The following SPRING1 variants were observed in gnomAD, a reference collection of about 807,000 sequenced individuals.
SPRING1 encodes the protein SREBF pathway regulator in golgi 1.
A neutral mutation model predicts 24.7 loss-of-function variants in SPRING1; 14 were observed. The observed-to-expected ratio is 0.57, with a 90% CI of 0.37 to 0.88. The LOEUF is 0.88. Among genes scored for constraint, SPRING1 ranks in the 40% least tolerant of loss-of-function variants. The pLI is 0.00. For missense variants in SPRING1, 255 were observed against 268.4 expected, an observed-to-expected ratio of 0.95 and a Z score of 0.35; for synonymous variants, 93 against 106.1, an observed-to-expected ratio of 0.88 and a Z score of 0.76.
intron 1 of SPRING1, among the ~76,000 whole-genome samples, chr12:116,730,525 G>A (rs7968094): frequency 0.077 from 11,709 of 152,168 alleles, 487 homozygotes; most frequent in African/African-American, 0.096. Flanking sequence ...ACAAACAAGC[G>A]TTACATACTT....
In SPRING1 at chr12:116,717,856, G is replaced by C; in HGVS notation, c.572C>G (p.Ala191Gly). 1.2e-6 allele frequency: 2 copies of C among 1,608,784 alleles called. No individual in the cohort carries two copies. The highest frequency in any genetic ancestry group is 2.2e-5 in the South Asian group (2 of 90,308). Residue 191 changes from alanine (A) to glycine (G), a missense_variant, in exon 5 of 5, where the codon GCA (alanine) becomes GGA (glycine). Ala to Gly is a moderately conservative substitution (Grantham distance 60). Transcript: ENST00000261318. This position sits in a 1 kb window ranked among gnomAD's most constrained non-coding sequence, Gnocchi z 4.2. ...CGGGCTTTCTCCATAGCAATACTTT[G>C]CTATGGGGTCCCGGTAGGTGTTCTC... ...QHENTYRDPI[A>G]KYCYGESPPE...
chr12:116,725,464 G>T (rs1870636864), intron 1 of SPRING1, among the ~76,000 whole-genome samples: 1 of 152,076 alleles, frequency 6.6e-6, no homozygotes, highest in Non-Finnish European at 1.5e-5. Context: ...GACGTATGTG[G>T]TTATTAAAAT....
At position 116,712,027 on chromosome 12, in the gene SPRING1, C is replaced by T. The variant is rs932593086; in HGVS notation, c.*5783G>A. On this transcript the variant is annotated 3_prime_UTR_variant, in exon 5 of 5. Transcript: ENST00000261318. ...TTTAAAAATTCCAAGAGTAAACTAC[C>T]CTATGAAAACCTCTGGCAGTGCTGA... 3 of 152,102 alleles carry T rather than the reference C, an allele frequency of 2.0e-5. No homozygotes were observed. Among genetic ancestry groups the T allele is most frequent in the African/African-American group, 7.2e-5 (3 of 41,406 alleles). The allele number at this position is 152,102 out of a possible 1,614,324, so 9.4% of individuals were successfully genotyped here. A position where few individuals can be genotyped will look rare whatever the true frequency, so the allele number is the denominator to read the frequency against.
chr12:116,737,679 A>G, intron 1 of SPRING1, 111 bp downstream of exon 1: 2 of 1,239,072 alleles, frequency 1.6e-6, no homozygotes, highest in Non-Finnish European at 1.1e-6. Context: ...GTAGGAAGAC[A>G]GGGAGGAAGG....
intron 1 of SPRING1, among the ~76,000 whole-genome samples, chr12:116,736,100 T>TA (rs1309227521): frequency 1.5e-3 from 46 of 29,914 alleles, no homozygotes; most frequent in African/African-American, 2.9e-3. Flanking sequence ...TTTACCACAA[T>TA]AAAAAAAAAT....
Position 116,717,737 on chromosome 12 carries a change from G to T in SPRING1, c.*73C>A. ...CTTCCTGCAGCCTGGCCCGATGGCT[G>T]AAGCTGGGTCCCAGGAGGCGAGTTC... is the stretch of plus-strand genomic sequence containing the variant. On this transcript the variant is annotated 3_prime_UTR_variant, in exon 5 of 5. Coordinates refer to ENST00000261318, the MANE Select transcript of SPRING1 (RefSeq NM_024738.4). The surrounding 1 kb of genome is among the most constrained non-coding windows in gnomAD (Gnocchi z 4.2). 2.2e-6 allele frequency: 3 copies of T among 1,346,878 alleles called. No homozygotes were observed. The highest frequency in any genetic ancestry group is 3.1e-6 in the Non-Finnish European group (3 of 983,522). 83.4% of individuals were successfully genotyped at this position (1,346,878 alleles called of 1,614,324 possible).
intron 1 of SPRING1, among the ~76,000 whole-genome samples, chr12:116,727,260 T>C (rs1870745077): frequency 2.0e-5 from 3 of 152,174 alleles, no homozygotes; most frequent in Admixed American, 1.3e-4. Flanking sequence ...CTCAGAGCTG[T>C]TGAGAAAGGG....
At chr12:116,736,110 T>A (rs202044956) in intron 1 of SPRING1, among the ~76,000 whole-genome samples, 4 of 54,960 alleles carry the variant, frequency 7.3e-5, no homozygotes, top group Non-Finnish European at 1.7e-4. Context: ...TAAAAAAAAA[T>A]TGAAAAAAAA....
intron 1 of SPRING1, 100 bp downstream of exon 1, chr12:116,737,689 GA>G: frequency 1.5e-6 from 2 of 1,299,516 alleles, no homozygotes; most frequent in Non-Finnish European, 2.0e-6. Context: ...AGGGAGGAAG[GA>G]AAAAAGGAGG....
At chr12:116,722,864 A>C (rs1407068302) in intron 2 of SPRING1, among the ~76,000 whole-genome samples, 1 of 152,242 alleles carries the variant, frequency 6.6e-6, no homozygotes, top group African/African-American at 2.4e-5. Flanking sequence ...TAAGAGTTAG[A>C]GTTATCAAAA....
At chr12:116,736,044 A>T (rs1172330523) in intron 1 of SPRING1, among the ~76,000 whole-genome samples, 1 of 131,676 alleles carries the variant, frequency 7.6e-6, no homozygotes, top group Non-Finnish European at 1.6e-5. Flanking sequence ...GTCTTTAAAA[A>T]AAAAAAAAAA....
At chr12:116,718,877 C>T (rs1870278659) in intron 4 of SPRING1, among the ~76,000 whole-genome samples, 1 of 152,186 alleles carries the variant, frequency 6.6e-6, no homozygotes, top group Non-Finnish European at 1.5e-5. Context: ...TTTTCAAATG[C>T]TCATTATAAT....
rs1871376861 is a variant in SPRING1 at position 116,738,023 on chromosome 12, CGCAGCCCAG to C, written c.-132_-124del. The C allele has an allele frequency of 9.0e-7, 1 of 1,107,006 alleles. No homozygotes were observed. Among genetic ancestry groups the C allele is most frequent in the Admixed American group, 5.1e-5 (1 of 19,654 alleles). 68.6% of individuals were successfully genotyped at this position (1,107,006 alleles called of 1,614,324 possible). On this transcript the variant is annotated 5_prime_UTR_variant, in exon 1 of 5. Coordinates refer to ENST00000261318, the MANE Select transcript of SPRING1 (RefSeq NM_024738.4). ...CCAGGCAGGCGCCGGCCCCGCCGCC[CGCAGCCCAG>C]TCTGCTCCCGGCAGCCTTGGGCGCA...
rs999823777 is a variant in SPRING1 at position 116,714,639 on chromosome 12, C to T, written c.*3171G>A. On this transcript the variant is annotated 3_prime_UTR_variant, in exon 5 of 5. Transcript: ENST00000261318. Reference sequence around the variant, plus strand: ...TGAAACCCCGTCTCTACTAAAAGTACAAAAACTTAGCTGGGTGTGGTGGTG... The same window carrying T: ...TGAAACCCCGTCTCTACTAAAAGTATAAAAACTTAGCTGGGTGTGGTGGTG... 20 of 152,212 alleles carry T rather than the reference C, an allele frequency of 1.3e-4. No homozygotes were observed. Among genetic ancestry groups the T allele is most frequent in the African/African-American group, 4.8e-4 (20 of 41,492 alleles). The allele number at this position is 152,212 out of a possible 1,614,324, so 9.4% of individuals were successfully genotyped here. A position where few individuals can be genotyped will look rare whatever the true frequency, so the allele number is the denominator to read the frequency against.
intron 1 of SPRING1, among the ~76,000 whole-genome samples, chr12:116,732,342 G>A (rs149870632): frequency 0.054 from 8,201 of 152,262 alleles, 722 homozygotes; most frequent in African/African-American, 0.19. Context: ...TTGGGAGGCC[G>A]AGGCGGGTGG....
At position 116,728,307 on chromosome 12, in the gene SPRING1, A is replaced by G. The variant is rs1870800300; in HGVS notation, c.112-5084T>C. ...TCTCTCCTCCTTACCCGCTAGTGGA[A>G]TATAGGCTCTTGGAGGGGAGAGACG... is the stretch of plus-strand genomic sequence containing the variant. On this transcript the variant is annotated intron_variant, in intron 1 of 4. Coordinates refer to ENST00000261318, the MANE Select transcript of SPRING1 (RefSeq NM_024738.4). The surrounding 1 kb of genome is among the most constrained non-coding windows in gnomAD (Gnocchi z 4.2). 6.6e-6 allele frequency among the ~76,000 whole-genome samples: 1 copy of G among 152,190 alleles called. No homozygotes were observed. The highest frequency in any genetic ancestry group is 2.1e-4 in the South Asian group (1 of 4,834).
chr12:116,737,799 G>A lies in SPRING1; in HGVS notation c.102C>T (p.Thr34=). The change falls in exon 1 of 5, where the codon ACC becomes ACT. Residue 34 remains threonine, a synonymous_variant. Coordinates refer to ENST00000261318, the MANE Select transcript of SPRING1 (RefSeq NM_024738.4). ...AAGGGCGGCCACTGACCTGCTTGAA[G>A]GTGCTGCTGAGGAAGTAGACGAGCG... ...GLSLVYFLSS[T]FKQEERAVRD... is the part of the protein sequence containing the mutation. 1.3e-6 allele frequency: 2 copies of A among 1,586,866 alleles called. No homozygotes were observed. Among genetic ancestry groups the A allele is most frequent in the East Asian group, 2.5e-5 (1 of 40,334 alleles).
intron 2 of SPRING1, among the ~76,000 whole-genome samples, 159 bp downstream of exon 2, chr12:116,722,908 G>GAA (rs1053918276): frequency 2.0e-4 from 30 of 152,264 alleles, no homozygotes; most frequent in African/African-American, 7.0e-4. Context: ...AACCTTGAAT[G>GAA]ATGAGTAGGG....
In SPRING1 at chr12:116,728,309, A is replaced by T. The variant is rs1870800623; in HGVS notation, c.112-5086T>A. On this transcript the variant is annotated intron_variant, in intron 1 of 4. Transcript: ENST00000261318. The surrounding 1 kb of genome is among the most constrained non-coding windows in gnomAD (Gnocchi z 4.2). ...TCTCCTCCTTACCCGCTAGTGGAAT[A>T]TAGGCTCTTGGAGGGGAGAGACGTC... 1.3e-5 allele frequency among the ~76,000 whole-genome samples: 2 copies of T among 152,166 alleles called. No individual in the cohort carries two copies. Among genetic ancestry groups the T allele is most frequent in the Non-Finnish European group, 2.9e-5 (2 of 68,038 alleles).
Sources: gnomAD v4.1 joint callset for allele counts (sites outside exome capture counted in the v4.1 genomes callset) on GRCh38, gnomAD v4.1.1 for gene constraint, Gnocchi (gnomAD v3.1) non-coding constraint, MANE v1.5 for transcripts, NCBI Gene and HGNC (gene_info 2026-07-23, HGNC 2026-07-21) for gene names.